The following NBEA variants were observed in gnomAD, a reference collection of about 807,000 sequenced individuals.
NBEA encodes the protein lysosomal-trafficking regulator 2.
A neutral mutation model predicts 343.4 loss-of-function variants in NBEA; 44 were observed. That is an observed-to-expected ratio of 0.13 (90% CI 0.10 to 0.16). NBEA has a LOEUF of 0.16. Ranked by LOEUF, NBEA falls within the 10% of genes least tolerant of loss-of-function variation. NBEA has a pLI of 1.00. For synonymous variants in NBEA, 1,175 were observed against 1,238.7 expected (o/e 0.95, Z 1.08); for missense variants, 2,555 against 3,631.3 (o/e 0.70, Z 7.62).
At chr13:35,263,832 A>T (rs1284346887) in intron 34 of NBEA, among the ~76,000 whole-genome samples, 5 of 152,020 alleles carry the variant, frequency 3.3e-5, no homozygotes, top group Admixed American at 3.3e-4. Context: ...AAGAAGAAAG[A>T]TCTCACACAA....
chr13:35,467,384 A>G (rs2075430782), intron 40 of NBEA, among the ~76,000 whole-genome samples: 1 of 152,096 alleles, frequency 6.6e-6, no homozygotes, highest in Non-Finnish European at 1.5e-5. Flanking sequence ...AGGCAGGAGA[A>G]TCGCTTAAAC....
intron 33 of NBEA, among the ~76,000 whole-genome samples, chr13:35,211,566 G>A (rs1458053677): frequency 6.6e-6 from 1 of 152,130 alleles, no homozygotes; most frequent in East Asian, 1.9e-4. Flanking sequence ...TGTAATCCCA[G>A]CACTTTGGAA....
chr13:35,219,833 T>C lies in NBEA; in HGVS notation c.5648+8654T>C, dbSNP rs889598687. Among the ~76,000 whole-genome samples the C allele has an allele frequency of 9.2e-5, 14 of 152,146 alleles. No homozygotes were observed. In the South Asian group the frequency reaches 2.1e-3, roughly 23 times the overall value. ...TTCAGGCAGAAGGAGTTTGCTCAAC[T>C]TTTTTGTTCTATTCATATCTTCAAC... On this transcript the variant is annotated intron_variant, in intron 33 of 58. Transcript: ENST00000379939.
chr13:35,418,254 T>G (rs1243896434), intron 38 of NBEA, among the ~76,000 whole-genome samples: 1 of 152,136 alleles, frequency 6.6e-6, no homozygotes, highest in Non-Finnish European at 1.5e-5. Flanking sequence ...AAAGTTAATA[T>G]TGTTATGTGT....
intron 7 of NBEA, among the ~76,000 whole-genome samples, chr13:35,057,910 C>G (rs1278908013): frequency 6.6e-6 from 1 of 152,062 alleles, no homozygotes; most frequent in Non-Finnish European, 1.5e-5. Context: ...CCTTTGTTCT[C>G]CATTCACAAT....
In NBEA at chr13:35,649,708, G is replaced by A; in HGVS notation, c.7824G>A (p.Val2608=). The A allele has an allele frequency of 6.2e-7, 1 of 1,613,958 alleles. No individual in the cohort carries two copies. Among genetic ancestry groups the A allele is most frequent in the African/African-American group, 1.3e-5 (1 of 75,038 alleles). Reference sequence around the variant, plus strand: ...TTAAAGATCAGATGCAACAGGATGTGATAATGGTGCTGAAGTTTCCTTCAA... The same window carrying A: ...TTAAAGATCAGATGCAACAGGATGTAATAATGGTGCTGAAGTTTCCTTCAA... ...LMFKDQMQQD[V]IMVLKFPSNS... is the part of the protein sequence containing the mutation. Residue 2608 remains valine, a synonymous_variant, in exon 52 of 59, where the codon GTG becomes GTA. Transcript: ENST00000379939.
In NBEA at chr13:35,023,192, A is replaced by G. The variant is rs190083163; in HGVS notation, c.295-17741A>G. 2.8e-3 allele frequency among the ~76,000 whole-genome samples: 429 copies of G among 152,266 alleles called. 2 individuals carry two copies. The highest frequency in any genetic ancestry group is 0.017 in the Middle Eastern group (5 of 294). On this transcript the variant is annotated intron_variant, in intron 1 of 58. Transcript: ENST00000379939. ...AAAGGATAATATGGTGGCTTACACTATTCTTATTGTATATTAAAAGAAAGC... is the reference window on the plus strand; with the variant it reads ...AAAGGATAATATGGTGGCTTACACTGTTCTTATTGTATATTAAAAGAAAGC...
At chr13:35,316,879 A>G (rs1404075867) in intron 36 of NBEA, among the ~76,000 whole-genome samples, 1 of 152,060 alleles carries the variant, frequency 6.6e-6, no homozygotes, top group Non-Finnish European at 1.5e-5. Context: ...GTTTTTTTTC[A>G]TATACTTGTT....
intron 47 of NBEA, among the ~76,000 whole-genome samples, chr13:35,594,627 T>G (rs1255027309): frequency 6.6e-6 from 1 of 152,130 alleles, no homozygotes; most frequent in Non-Finnish European, 1.5e-5. Context: ...AGACTTAAAC[T>G]CTAAAATATC....
At chr13:35,189,798 C>CA in intron 30 of NBEA, among the ~76,000 whole-genome samples, 1 of 152,016 alleles carries the variant, frequency 6.6e-6, no homozygotes, top group African/African-American at 2.4e-5. Flanking sequence ...AGAACACTGG[C>CA]AAAAACTGTC....
chr13:35,654,716 G>T, intron 53 of NBEA, 139 bp from the exon 54 acceptor site: 1 of 599,648 alleles, frequency 1.7e-6, no homozygotes, highest in South Asian at 2.8e-5. Flanking sequence ...TTCCTCAAGG[G>T]AGAATCTTAA....
chr13:35,223,970 A>G (rs1445512839), intron 33 of NBEA, among the ~76,000 whole-genome samples: 1 of 152,146 alleles, frequency 6.6e-6, no homozygotes, highest in African/African-American at 2.4e-5. Flanking sequence ...TGGCTGTAGA[A>G]CACATGGACC....
At chr13:35,262,555 G>T (rs1242318178) in intron 34 of NBEA, among the ~76,000 whole-genome samples, 2 of 152,142 alleles carry the variant, frequency 1.3e-5, no homozygotes, top group Non-Finnish European at 2.9e-5. Context: ...GAGTTTTCTT[G>T]TGAGTAAGAA....
chr13:35,113,302 A>G (rs879513672), intron 13 of NBEA, among the ~76,000 whole-genome samples: 12 of 152,164 alleles, frequency 7.9e-5, no homozygotes, highest in Admixed American at 7.2e-4. Flanking sequence ...TTGTCCTTTT[A>G]CAAGTGATGT....
At chr13:35,229,832 C>T (rs1178237215) in intron 33 of NBEA, among the ~76,000 whole-genome samples, 2 of 152,110 alleles carry the variant, frequency 1.3e-5, no homozygotes, top group Non-Finnish European at 2.9e-5. Flanking sequence ...ATTTATACAG[C>T]ATTTACAACC....
At chr13:35,419,806 A>C (rs1041094936) in intron 38 of NBEA, among the ~76,000 whole-genome samples, 1 of 152,008 alleles carries the variant, frequency 6.6e-6, no homozygotes, top group Non-Finnish European at 1.5e-5. Flanking sequence ...ACCAAAACCC[A>C]GAATAACCTG....
At chr13:35,256,579 A>G (rs769711569) in intron 34 of NBEA, among the ~76,000 whole-genome samples, 29 of 151,922 alleles carry the variant, frequency 1.9e-4, no homozygotes, top group Non-Finnish European at 3.4e-4. Context: ...CATGATATCC[A>G]TGGCACCCAG....
At chr13:35,297,437 T>C (rs376320875) in intron 35 of NBEA, among the ~76,000 whole-genome samples, 50 of 152,186 alleles carry the variant, frequency 3.3e-4, no homozygotes, top group African/African-American at 1.1e-3. Flanking sequence ...GCTGCATTTC[T>C]AGTATTTCCT....
chr13:35,208,234 CAAAA>C (rs1164751705), intron 31 of NBEA, among the ~76,000 whole-genome samples: 1 of 151,818 alleles, frequency 6.6e-6, no homozygotes, highest in East Asian at 1.9e-4. Context: ...AACAAACAAA[CAAAA>C]AATCAAAAAA....
Sources: gnomAD v4.1 joint callset for allele counts (sites outside exome capture counted in the v4.1 genomes callset) on GRCh38, gnomAD v4.1.1 for gene constraint, MANE v1.5 for transcripts, NCBI Gene and HGNC (gene_info 2026-07-23, HGNC 2026-07-21) for gene names.